Variants in ROBO1 observed in about 807,000 individuals in gnomAD.
ROBO1 encodes roundabout homolog 1.
Under a neutral mutation model 195.9 loss-of-function variants are expected in ROBO1, and 149 were observed. That is an observed-to-expected ratio of 0.76 (90% CI 0.67 to 0.87). ROBO1 has a LOEUF of 0.87. ROBO1 is among the 40% of genes least tolerant of loss of function. The pLI is 0.00. For missense variants in ROBO1, 1,933 were observed against 2,068.3 expected (o/e 0.93, Z 1.27); for synonymous variants, 816 against 733.2 (o/e 1.11, Z -1.82).
At chr3:79,756,924 TG>T (rs1704436838) in intron 1 of ROBO1, among the ~76,000 whole-genome samples, 1 of 152,224 alleles carries the variant, frequency 6.6e-6, no homozygotes, top group African/African-American at 2.4e-5. Flanking sequence ...TCCTGTTTTT[TG>T]GCATATTTTA....
intron 4 of ROBO1, among the ~76,000 whole-genome samples, chr3:78,821,268 C>A (rs1489088834): frequency 1.3e-5 from 2 of 150,214 alleles, no homozygotes; most frequent in African/African-American, 4.9e-5. Flanking sequence ...TGGGCTCAAG[C>A]AATTCTCCTG....
intron 3 of ROBO1, among the ~76,000 whole-genome samples, chr3:79,112,175 A>G (rs187373724): frequency 1.3e-5 from 2 of 152,294 alleles, no homozygotes; most frequent in East Asian, 3.9e-4. Context: ...GGCATGGATT[A>G]TATTTTTATT....
intron 1 of ROBO1, among the ~76,000 whole-genome samples, chr3:79,687,347 G>A (rs1947150744): frequency 6.6e-6 from 1 of 151,942 alleles, no homozygotes; most frequent in Admixed American, 6.6e-5. Flanking sequence ...CAAAAGCAAT[G>A]GCAACAAAAG....
intron 2 of ROBO1, among the ~76,000 whole-genome samples, chr3:79,307,859 C>T (rs1055866699): frequency 6.6e-6 from 1 of 151,678 alleles, no homozygotes; most frequent in African/African-American, 2.4e-5. Context: ...ACAGTGACAA[C>T]AACAAAACAG....
chr3:79,567,991 C>T (rs911466767), intron 2 of ROBO1, among the ~76,000 whole-genome samples: 2 of 151,926 alleles, frequency 1.3e-5, no homozygotes, highest in African/African-American at 2.4e-5. Flanking sequence ...TTAAGTGGCC[C>T]ATGACTTCTT....
chr3:78,813,071 A>G (rs1448848405), intron 4 of ROBO1, among the ~76,000 whole-genome samples: 1 of 152,114 alleles, frequency 6.6e-6, no homozygotes, highest in African/African-American at 2.4e-5. Flanking sequence ...TATTCCAGAT[A>G]TCGACATTTT....
At chr3:79,757,510 C>CAT (rs145729181) in intron 1 of ROBO1, among the ~76,000 whole-genome samples, 25 of 70,576 alleles carry the variant, frequency 3.5e-4, no homozygotes, top group Admixed American at 2.9e-3. Flanking sequence ...TCTCTCTCTC[C>CAT]ATATATATAT....
chr3:79,656,962 G>C (rs1170519356), intron 1 of ROBO1, among the ~76,000 whole-genome samples: 2 of 151,818 alleles, frequency 1.3e-5, no homozygotes, highest in East Asian at 3.9e-4. Context: ...GTGTAGAAAA[G>C]GGCTGAAGCC....
At chr3:79,077,891 G>A (rs770519973) in intron 3 of ROBO1, among the ~76,000 whole-genome samples, 50 of 151,806 alleles carry the variant, frequency 3.3e-4, no homozygotes, top group Non-Finnish European at 6.8e-4. Flanking sequence ...TGCTTAAGAA[G>A]CAGGTGAGAA....
intron 2 of ROBO1, among the ~76,000 whole-genome samples, chr3:79,525,785 T>C (rs1193196772): frequency 6.6e-6 from 1 of 151,836 alleles, no homozygotes; most frequent in Non-Finnish European, 1.5e-5. Context: ...TTTGTATTTT[T>C]AGTAGAGACG....
intron 1 of ROBO1, among the ~76,000 whole-genome samples, chr3:79,629,050 G>A (rs1693598923): frequency 6.6e-6 from 1 of 152,098 alleles, no homozygotes; most frequent in Admixed American, 6.6e-5. Context: ...TAGTAGTAGT[G>A]TGGAACTTCA....
chr3:79,077,181 A>T (rs893973654), intron 3 of ROBO1, among the ~76,000 whole-genome samples: 3 of 151,840 alleles, frequency 2.0e-5, no homozygotes, highest in African/African-American at 7.2e-5. Context: ...TTTGAGCAAC[A>T]TCTCCCCATT....
At chr3:79,694,939 T>C (rs1947399506) in intron 1 of ROBO1, among the ~76,000 whole-genome samples, 1 of 151,634 alleles carries the variant, frequency 6.6e-6, no homozygotes, top group African/African-American at 2.4e-5. Context: ...ATTCTAGGAT[T>C]CTCTCTTATG....
At chr3:79,450,498 G>A (rs935011214) in intron 2 of ROBO1, among the ~76,000 whole-genome samples, 1 of 152,042 alleles carries the variant, frequency 6.6e-6, no homozygotes, top group Non-Finnish European at 1.5e-5. Flanking sequence ...TACGAATAAT[G>A]TATTAGTTTT....
At chr3:79,519,585 T>C (rs1396899862) in intron 2 of ROBO1, among the ~76,000 whole-genome samples, 11 of 121,188 alleles carry the variant, frequency 9.1e-5, no homozygotes, top group African/African-American at 2.6e-4. Context: ...GCCAAGATCA[T>C]GCCACTGCAC....
At chr3:79,284,980 G>T (rs2031796747) in intron 2 of ROBO1, among the ~76,000 whole-genome samples, 1 of 151,894 alleles carries the variant, frequency 6.6e-6, no homozygotes. Flanking sequence ...GTTTGTTTCA[G>T]GTTATTCTGG....
At chr3:78,738,995 A>G (rs1390733938) in intron 5 of ROBO1, among the ~76,000 whole-genome samples, 1 of 152,156 alleles carries the variant, frequency 6.6e-6, no homozygotes, top group African/African-American at 2.4e-5. Context: ...TATTTGTGGC[A>G]TGCTACTGTA....
chr3:79,451,750 C>A (rs1342492360), intron 2 of ROBO1, among the ~76,000 whole-genome samples: 1 of 151,822 alleles, frequency 6.6e-6, no homozygotes, highest in Non-Finnish European at 1.5e-5. Flanking sequence ...CTCAGACTGA[C>A]TAAGACAGGG....
At chr3:78,782,911 C>A (rs909042917) in intron 4 of ROBO1, among the ~76,000 whole-genome samples, 2 of 152,026 alleles carry the variant, frequency 1.3e-5, no homozygotes, top group Non-Finnish European at 2.9e-5. Flanking sequence ...AGTGGTTTAA[C>A]GTATGCCTGT....
Sources: allele counts gnomAD v4.1 joint callset (sites outside exome capture counted in the v4.1 genomes callset), GRCh38; gene constraint gnomAD v4.1.1; transcripts MANE v1.5; gene names NCBI Gene and HGNC (gene_info 2026-07-23, HGNC 2026-07-21).